Variants in SAMD4A observed in about 807,000 individuals in gnomAD.
SAMD4A encodes the protein sterile alpha motif domain containing 4A, also known as protein Smaug homolog 1.
SAMD4A carries 33 observed loss-of-function variants against 81.3 expected under a neutral mutation model. That is an observed-to-expected ratio of 0.41 (90% CI 0.31 to 0.54). SAMD4A has a LOEUF of 0.54. SAMD4A is among the 20% of genes least tolerant of loss of function. SAMD4A has a pLI of 0.37. For synonymous variants in SAMD4A, 389 were observed against 382.1 expected, an observed-to-expected ratio of 1.02 and a Z score of -0.21; for missense variants, 854 against 951.1, an observed-to-expected ratio of 0.90 and a Z score of 1.34.
intron 2 of SAMD4A, among the ~76,000 whole-genome samples, chr14:54,700,753 A>C (rs1360089601): frequency 6.6e-6 from 1 of 152,170 alleles, no homozygotes; most frequent in Non-Finnish European, 1.5e-5. Context: ...GCTATTTCTC[A>C]AAGGCTAATC....
At chr14:54,649,456 G>A (rs1434090546) in intron 2 of SAMD4A, among the ~76,000 whole-genome samples, 1 of 152,180 alleles carries the variant, frequency 6.6e-6, no homozygotes, top group Non-Finnish European at 1.5e-5. Context: ...CATCGTGTGG[G>A]GTGGTGATCA....
intron 3 of SAMD4A, among the ~76,000 whole-genome samples, chr14:54,704,574 A>T (rs1398971748): frequency 6.6e-6 from 1 of 152,138 alleles, no homozygotes; most frequent in Non-Finnish European, 1.5e-5. Context: ...GAGGGTAGAA[A>T]ATTTGTAGAT....
chr14:54,784,604 C>A lies in SAMD4A; in HGVS notation c.2112C>A (p.Thr704=), dbSNP rs368908451. The change falls in exon 12 of 13, where the codon ACC becomes ACA. Residue 704 remains threonine (T), a synonymous_variant. Coordinates refer to ENST00000554335, the MANE Select transcript of SAMD4A (RefSeq NM_015589.6). ...TGGAGTCGTTGTGCCTCAGTATGAC[C>A]GAACACGCCCTGGGAGGTGAGTGTG... ...NRLESLCLSM[T]EHALGDGVDR... 6.2e-7 allele frequency: 1 copy of A among 1,613,916 alleles called. No individual in the cohort carries two copies. The highest frequency in any genetic ancestry group is 8.5e-7 in the Non-Finnish European group (1 of 1,179,926).
chr14:54,605,949 C>G (rs887789294), intron 2 of SAMD4A, among the ~76,000 whole-genome samples: 24 of 152,154 alleles, frequency 1.6e-4, no homozygotes, highest in Non-Finnish European at 3.4e-4. Flanking sequence ...CCTTATTCCT[C>G]TGACTGCCCT....
intron 3 of SAMD4A, among the ~76,000 whole-genome samples, chr14:54,730,577 C>A (rs1488414154): frequency 6.6e-6 from 1 of 152,178 alleles, no homozygotes; most frequent in Non-Finnish European, 1.5e-5. Flanking sequence ...GTTTTTCAAG[C>A]CTTTGGTCAA....
At chr14:54,710,723 T>C (rs1048509754) in intron 3 of SAMD4A, among the ~76,000 whole-genome samples, 3 of 151,450 alleles carry the variant, frequency 2.0e-5, no homozygotes, top group Admixed American at 6.6e-5. Flanking sequence ...CAGGGAGCAG[T>C]CTTTGCACCG....
chr14:54,724,004 G>GGAAGGAA (rs1315450521), intron 3 of SAMD4A, among the ~76,000 whole-genome samples: 1 of 107,656 alleles, frequency 9.3e-6, no homozygotes, highest in Non-Finnish European at 2.0e-5. Flanking sequence ...ATGGATGGAT[G>GGAAGGAA]GATGGAAGGA....
chr14:54,702,269 C>T lies in SAMD4A; in HGVS notation c.404C>T (p.Thr135Ile), dbSNP rs1488605873. The change falls in exon 3 of 13, where the codon ACT (threonine) becomes ATT (isoleucine). Residue 135 changes from threonine (T) to isoleucine (I), a missense_variant. By Grantham distance (89) the Thr-to-Ile change is moderately conservative (BLOSUM62 -1). Around this residue, in one of 3 missense-constraint regions of SAMD4A, gnomAD observed 387 missense variants for 405.8 expected, o/e 0.95. Transcript: ENST00000554335. Reference sequence around the variant, plus strand: ...TCCTATGCTTTGATACATCCAGCCACTTCGTTAGAAGACCGTAGTGCTTTA... The same window carrying T: ...TCCTATGCTTTGATACATCCAGCCATTTCGTTAGAAGACCGTAGTGCTTTA... ...LLSYALIHPA[T>I]SLEDRSALAM... is the part of the protein sequence containing the mutation. The T allele has an allele frequency of 1.2e-6, 2 of 1,614,090 alleles. No homozygotes were observed. Among genetic ancestry groups the T allele is most frequent in the East Asian group, 2.2e-5 (1 of 44,900 alleles).
chr14:54,655,062 C>T, intron 2 of SAMD4A, among the ~76,000 whole-genome samples: 1 of 152,234 alleles, frequency 6.6e-6, no homozygotes, highest in East Asian at 1.9e-4. Flanking sequence ...TTAGCCTCAG[C>T]TTTGCAGATC....
intron 2 of SAMD4A, among the ~76,000 whole-genome samples, chr14:54,696,353 A>G (rs1304207322): frequency 6.6e-6 from 1 of 152,186 alleles, no homozygotes; most frequent in Non-Finnish European, 1.5e-5. Context: ...TTAGTACATG[A>G]TGTGTCTAGG....
chr14:54,773,267 C>G (rs370524803), intron 9 of SAMD4A, among the ~76,000 whole-genome samples: 1 of 152,170 alleles, frequency 6.6e-6, no homozygotes, highest in African/African-American at 2.4e-5. Context: ...AGGCACAGCT[C>G]TCTTTCTCAG....
intron 7 of SAMD4A, among the ~76,000 whole-genome samples, chr14:54,762,558 A>C (rs1310557986): frequency 6.6e-6 from 1 of 152,184 alleles, no homozygotes; most frequent in Non-Finnish European, 1.5e-5. Flanking sequence ...CCATGGGTGA[A>C]GACACAGCTC....
intron 3 of SAMD4A, among the ~76,000 whole-genome samples, chr14:54,724,007 T>TGGATGGAAGGAAGGAA (rs1555347506): frequency 1.9e-3 from 232 of 124,238 alleles, no homozygotes; most frequent in East Asian, 0.012. Flanking sequence ...GATGGATGGA[T>TGGATGGAAGGAAGGAA]GGAAGGAAGG....
chr14:54,765,088 A>G (rs759740818), intron 8 of SAMD4A, among the ~76,000 whole-genome samples: 3 of 152,284 alleles, frequency 2.0e-5, no homozygotes, highest in African/African-American at 4.8e-5. Context: ...CACAGTCTTC[A>G]TATACAGAGT....
intron 3 of SAMD4A, among the ~76,000 whole-genome samples, chr14:54,714,617 G>T (rs1423675452): frequency 1.3e-5 from 2 of 152,088 alleles, no homozygotes; most frequent in Non-Finnish European, 2.9e-5. Context: ...GAGAGTAGTG[G>T]TTGGTCCAGA....
At chr14:54,780,939 G>A (rs182839740) in intron 11 of SAMD4A, among the ~76,000 whole-genome samples, 23 of 151,988 alleles carry the variant, frequency 1.5e-4, no homozygotes, top group Middle Eastern at 3.4e-3. Context: ...TGCCTGTGCC[G>A]TTTCTTTCCC....
In SAMD4A at chr14:54,774,945, G is replaced by A. The variant is rs1272591376; in HGVS notation, c.1727G>A (p.Gly576Glu). ...CTTGGCTCTCACAGTCGAGGCTTTG[G>A]GCAATCCAACTCCCTCCCGACGGCT... ...GYRQQRNRGFGQSNSLPTAGS... is the reference protein window; with the variant it reads ...GYRQQRNRGFEQSNSLPTAGS... The change falls in exon 10 of 13, where the codon GGG becomes GAG. Residue 576 changes from glycine (G) to glutamate (E), a missense_variant. Gly to Glu is a moderately conservative substitution (Grantham distance 98). Transcript: ENST00000554335. The A allele has an allele frequency of 1.2e-6, 2 of 1,614,076 alleles. No homozygotes were observed. The highest frequency in any genetic ancestry group is 2.7e-5 in the African/African-American group (2 of 74,930).
At chr14:54,768,936 G>T (rs775253674) in intron 8 of SAMD4A, among the ~76,000 whole-genome samples, 2 of 152,156 alleles carry the variant, frequency 1.3e-5, no homozygotes, top group Non-Finnish European at 2.9e-5. Context: ...TCCATTTAAG[G>T]AATCTGTTTC....
intron 2 of SAMD4A, among the ~76,000 whole-genome samples, chr14:54,670,090 T>C (rs1480821063): frequency 6.6e-6 from 1 of 152,054 alleles, no homozygotes; most frequent in Non-Finnish European, 1.5e-5. Flanking sequence ...TAATGAAGAG[T>C]GATGTATCCT....
Sources: allele counts gnomAD v4.1 joint callset (sites outside exome capture counted in the v4.1 genomes callset), GRCh38; gene constraint gnomAD v4.1.1; regional missense constraint gnomAD v4.1.1; transcripts MANE v1.5; gene names NCBI Gene and HGNC (gene_info 2026-07-23, HGNC 2026-07-21).